Variants in MYO7A observed in about 807,000 individuals in gnomAD.
The protein encoded by MYO7A is unconventional myosin-VIIa.
A neutral mutation model predicts 263.8 loss-of-function variants in MYO7A; 210 were observed. The ratio of observed to expected loss-of-function variants is 0.80; its 90% CI spans 0.71 to 0.89. MYO7A has a LOEUF of 0.89. Among genes scored for constraint, MYO7A ranks in the 40% least tolerant of loss-of-function variants. MYO7A has a pLI of 0.00. For synonymous variants in MYO7A, 1,239 were observed against 1,197.3 expected, an observed-to-expected ratio of 1.03 and a Z score of -0.72; for missense variants, 2,820 against 2,968.3, an observed-to-expected ratio of 0.95 and a Z score of 1.16.
At chr11:77,135,117 C>G (rs1382085542) in intron 2 of MYO7A, among the ~76,000 whole-genome samples, 1 of 152,016 alleles carries the variant, frequency 6.6e-6, no homozygotes, top group Non-Finnish European at 1.5e-5. Flanking sequence ...AGTTCAGTGG[C>G]ATTAAATACA....
intron 14 of MYO7A, among the ~76,000 whole-genome samples, chr11:77,163,536 T>C (rs782053553): frequency 3.3e-5 from 5 of 152,208 alleles, no homozygotes; most frequent in Admixed American, 6.5e-5. Flanking sequence ...CTAAATACTG[T>C]AGGCAGTTGT....
intron 14 of MYO7A, among the ~76,000 whole-genome samples, chr11:77,164,477 T>A (rs1373941453): frequency 2.6e-5 from 4 of 152,226 alleles, no homozygotes; most frequent in African/African-American, 9.6e-5. Flanking sequence ...TCTTACTCCG[T>A]TGCTGAACTG....
At position 77,158,328 on chromosome 11, in the gene MYO7A, A is replaced by T; in HGVS notation, c.901A>T (p.Ile301Phe). ...GRVDSQEYAN[I>F]RSAMKVLMFT... ...GGTGGACAGCCAGGAGTACGCCAAC[A>T]TCCGCTCCGCCATGAAGGTGCTCAT... The change falls in exon 9 of 49, where the codon ATC becomes TTC. Residue 301 changes from isoleucine (I) to phenylalanine (F), a missense_variant. Physicochemically the swap from Ile to Phe is conservative, Grantham distance 21. Coordinates refer to ENST00000409709, the MANE Select transcript of MYO7A (RefSeq NM_000260.4). 1 of 1,613,066 alleles carries T rather than the reference A, an allele frequency of 6.2e-7. No homozygotes were observed. The highest frequency in any genetic ancestry group is 8.5e-7 in the Non-Finnish European group (1 of 1,179,514).
chr11:77,194,497 C>A lies in MYO7A; in HGVS notation c.4296C>A (p.Ala1432=). 1.2e-6 allele frequency: 2 copies of A among 1,605,924 alleles called. No individual in the cohort carries two copies. Among genetic ancestry groups the A allele is most frequent in the Non-Finnish European group, 1.7e-6 (2 of 1,176,446 alleles). The change falls in exon 32 of 49, where the codon GCC becomes GCA. Residue 1432 remains alanine (A), a synonymous_variant. Transcript: ENST00000409709. ...CCCTGAAGACGCTGGAGAAGTGGGC[C>A]CAGCTGGCCATCGCCGCCCACAAGA... The part of the protein sequence containing the change: ...ITPLKTLEKW[A]QLAIAAHKKG...
intron 42 of MYO7A, among the ~76,000 whole-genome samples, chr11:77,207,874 A>C (rs976777314): frequency 5.9e-5 from 9 of 152,116 alleles, no homozygotes; most frequent in African/African-American, 2.2e-4. Context: ...CGCCCCTGCC[A>C]CCATTTCACA....
rs547418912 is a variant in MYO7A, at chr11:77,135,554, G to T, written c.18+4902G>T. On this transcript the variant is annotated intron_variant, in intron 2 of 48. Transcript: ENST00000409709. ...CATAGGTGTGCAAAGACCTCTTTGAGATTCTGCTTTTAATTCTTTTGAGTA... is the reference window on the plus strand; with the variant it reads ...CATAGGTGTGCAAAGACCTCTTTGATATTCTGCTTTTAATTCTTTTGAGTA... 1.0e-3 allele frequency among the ~76,000 whole-genome samples: 154 copies of T among 152,264 alleles called. 1 individual carries two copies. The highest frequency in any genetic ancestry group is 3.6e-3 in the African/African-American group (148 of 41,562).
intron 15 of MYO7A, among the ~76,000 whole-genome samples, chr11:77,168,154 A>T (rs1953732619): frequency 2.0e-5 from 3 of 151,234 alleles, no homozygotes; most frequent in Admixed American, 1.3e-4. Context: ...TTCCCCTCCT[A>T]CCCGTTCTTC....
chr11:77,155,782 C>A, intron 4 of MYO7A, 125 bp from the exon 5 acceptor site: 1 of 1,076,846 alleles, frequency 9.3e-7, no homozygotes, highest in Non-Finnish European at 1.3e-6. Context: ...CCAGGTCCAC[C>A]CACATGACTC....
At chr11:77,156,241 A>T (rs1952448887) in intron 5 of MYO7A, 150 bp downstream of exon 5, 1 of 869,592 alleles carries the variant, frequency 1.1e-6, no homozygotes, top group Non-Finnish European at 1.7e-6. Flanking sequence ...GTGCTGTGTA[A>T]CAATGTAGAA....
chr11:77,187,361 G>A (rs1379572208), intron 27 of MYO7A, among the ~76,000 whole-genome samples: 1 of 152,170 alleles, frequency 6.6e-6, no homozygotes, highest in African/African-American at 2.4e-5. Context: ...AGTAAAATGA[G>A]GTGTGCCTGC....
rs11237120 is a variant in MYO7A, at chr11:77,204,391, C to G, written c.5480+162C>G. ...CCCTCACATCCTAGCTTGGCCCCAA[C>G]GCCCAAGGAGGGCCTAGCAGGAACT... On this transcript the variant is annotated intron_variant, in intron 39 of 48. Transcript: ENST00000409709. Among the ~76,000 whole-genome samples, 88,130 of 152,176 alleles carry G rather than the reference C, an allele frequency of 0.58. 26,021 individuals carry two copies. The highest frequency in any genetic ancestry group is 0.69 in the African/African-American group (28,618 of 41,542).
chr11:77,205,588 C>A lies in MYO7A; in HGVS notation c.5607C>A (p.Asp1869Glu). The change falls in exon 40 of 49, where the codon GAC (aspartate) becomes GAA (glutamate). Residue 1869 changes from aspartate to glutamate, a missense_variant. Asp to Glu is a conservative substitution (Grantham distance 45). Transcript: ENST00000409709. The stretch of plus-strand genomic sequence containing the variant: ...GAAAGCACTGCCCACTCGCCATCGA[C>A]TGCCTGCAACGGCTCCAGAAAGCCC... ...QSRKHCPLAI[D>E]CLQRLQKALR... is the part of the protein sequence containing the mutation. 2 of 1,613,598 alleles carry A rather than the reference C, an allele frequency of 1.2e-6. No individual in the cohort carries two copies. Among genetic ancestry groups the A allele is most frequent in the Non-Finnish European group, 1.7e-6 (2 of 1,179,808 alleles).
chr11:77,179,652 G>A, intron 20 of MYO7A, 83 bp from the exon 21 acceptor site: 1 of 1,287,850 alleles, frequency 7.8e-7, no homozygotes, highest in Non-Finnish European at 1.1e-6. Flanking sequence ...GAGAGTGGAG[G>A]CCGGTGCCAT....
rs376659044 is a variant in MYO7A, at chr11:77,210,894, G to A, written c.6052-258G>A. The A allele has an allele frequency of 2.2e-4, 100 of 457,726 alleles. 1 individual carries two copies. The East Asian group carries it at 2.8e-3, about 13-fold the overall frequency. The allele number at this position is 457,726 out of a possible 1,614,324, so 28.4% of individuals were successfully genotyped here. On this transcript the variant is annotated intron_variant, in intron 44 of 48. Coordinates refer to ENST00000409709, the MANE Select transcript of MYO7A (RefSeq NM_000260.4). ...ATGGGGCTGCTCATCTCACTGGACTGTTATGGGGGGACATGAGGTAACAGA... is the reference window on the plus strand; with the variant it reads ...ATGGGGCTGCTCATCTCACTGGACTATTATGGGGGGACATGAGGTAACAGA...
chr11:77,180,051 G>A, intron 21 of MYO7A, 98 bp downstream of exon 21: 2 of 1,264,910 alleles, frequency 1.6e-6, no homozygotes, highest in African/African-American at 1.5e-5. Flanking sequence ...GGACCTATAG[G>A]GGGGACCTGC....
rs145126497 is a variant in MYO7A at position 77,178,995 on chromosome 11, C to A, written c.2283-50C>A. The A allele has an allele frequency of 3.1e-5, 46 of 1,490,818 alleles. No homozygotes were observed. The East Asian group carries it at 6.9e-4, about 22-fold the overall frequency. 92.3% of individuals were successfully genotyped at this position (1,490,818 alleles called of 1,614,324 possible). ...CCTCCTGATCCCAAACCCACCTGTA[C>A]CCTGGCTGCCTCTGGACACTGCTCA... is the stretch of plus-strand genomic sequence containing the variant. On this transcript the variant is annotated intron_variant, in intron 19 of 48. Coordinates refer to ENST00000409709, the MANE Select transcript of MYO7A (RefSeq NM_000260.4).
intron 4 of MYO7A, among the ~76,000 whole-genome samples, chr11:77,150,948 A>G (rs1951917158): frequency 6.6e-6 from 1 of 152,286 alleles, no homozygotes; most frequent in Middle Eastern, 3.4e-3. Flanking sequence ...CCGTCCCTTC[A>G]TGGATTGGGT....
intron 46 of MYO7A, 179 bp from the exon 47 acceptor site, chr11:77,212,773 T>TG: frequency 3.2e-6 from 2 of 621,532 alleles, no homozygotes; most frequent in East Asian, 2.8e-5. Context: ...GGAAGGGATG[T>TG]GGGGCAGCAC....
chr11:77,173,118 A>T (rs1406523342), intron 16 of MYO7A, among the ~76,000 whole-genome samples: 3 of 152,212 alleles, frequency 2.0e-5, no homozygotes, highest in Non-Finnish European at 4.4e-5. Flanking sequence ...TGCCTCTACC[A>T]TGTACAAGTG....
Sources: gnomAD v4.1 joint callset for allele counts (sites outside exome capture counted in the v4.1 genomes callset) on GRCh38, gnomAD v4.1.1 for gene constraint, MANE v1.5 for transcripts, NCBI Gene and HGNC (gene_info 2026-07-23, HGNC 2026-07-21) for gene names.